NOMO1: variants seen among roughly 807,000 people sequenced by gnomAD.
The protein encoded by NOMO1 is NODAL modulator 1.
A neutral mutation model predicts 133.8 loss-of-function variants in NOMO1; 40 were observed. The observed-to-expected ratio is 0.30, with a 90% confidence interval of 0.23 to 0.39. NOMO1 has a LOEUF of 0.39. Ranked by LOEUF, NOMO1 falls within the 10% of genes least tolerant of loss-of-function variation. The pLI is 1.00. For synonymous variants in NOMO1, 236 were observed against 570.5 expected, an observed-to-expected ratio of 0.41 and a Z score of 8.36; for missense variants, 462 against 1,419.9, an observed-to-expected ratio of 0.33 and a Z score of 10.84.
chr16:14,887,021 C>T (rs1221555496), intron 28 of NOMO1, among the ~76,000 whole-genome samples, 159 bp downstream of exon 28: 1 of 152,010 alleles, frequency 6.6e-6, no homozygotes, highest in East Asian at 1.9e-4. Context: ...ATTATTTTTT[C>T]TTCATTGTTT....
At chr16:14,850,374 T>C (rs550680681) in intron 6 of NOMO1, among the ~76,000 whole-genome samples, 145 of 151,604 alleles carry the variant, frequency 9.6e-4, no homozygotes, top group African/African-American at 3.4e-3. Context: ...CTTCGGGGTA[T>C]GCCAGCATCT....
chr16:14,842,152 G>C (rs1003509466), intron 3 of NOMO1, among the ~76,000 whole-genome samples: 3 of 151,396 alleles, frequency 2.0e-5, no homozygotes, highest in African/African-American at 7.3e-5. Flanking sequence ...GGTCTGTTTT[G>C]ATGTAGTTTA....
chr16:14,889,319 C>A lies in NOMO1; in HGVS notation c.3444+104C>A. ...GGCCAAGGCTGGTGGATCTCTTGAGCCCAGGAGTTTCAGACCAGCCTAGGC... is the reference window on the plus strand; with the variant it reads ...GGCCAAGGCTGGTGGATCTCTTGAGACCAGGAGTTTCAGACCAGCCTAGGC... On this transcript the variant is annotated intron_variant, in intron 29 of 30. Coordinates refer to ENST00000287667, the MANE Select transcript of NOMO1 (RefSeq NM_014287.4). The A allele has an allele frequency of 5.6e-6, 9 of 1,607,262 alleles. No homozygotes were observed. The South Asian group carries it at 8.8e-5, about 16-fold the overall frequency.
intron 1 of NOMO1, among the ~76,000 whole-genome samples, chr16:14,836,815 C>G (rs886297363): frequency 1.3e-5 from 2 of 150,642 alleles, no homozygotes; most frequent in Non-Finnish European, 3.0e-5. Context: ...ACGCCATTCT[C>G]CTGCCTCAGC....
At chr16:14,888,613 G>GC (rs1246831460) in intron 28 of NOMO1, 1 of 262,242 alleles carries the variant, frequency 3.8e-6, no homozygotes, top group Non-Finnish European at 7.4e-6. Context: ...GCTGGTCGGT[G>GC]CTCAGCACAC....
At chr16:14,860,459 G>A (rs1377119028) in intron 11 of NOMO1, among the ~76,000 whole-genome samples, 1 of 151,870 alleles carries the variant, frequency 6.6e-6, no homozygotes, top group Non-Finnish European at 1.5e-5. Flanking sequence ...GCTGCTGTGT[G>A]GAGAATGGAT....
At chr16:14,836,284 T>C (rs539505348) in intron 1 of NOMO1, among the ~76,000 whole-genome samples, 1 of 152,194 alleles carries the variant, frequency 6.6e-6, no homozygotes, top group East Asian at 1.9e-4. Flanking sequence ...AGCTAGACAC[T>C]GTCTCAGGCA....
chr16:14,856,146 A>G (rs2606829), intron 9 of NOMO1, among the ~76,000 whole-genome samples: 1,617 of 151,654 alleles, frequency 0.011, 34 homozygotes, highest in African/African-American at 0.036. Flanking sequence ...GACAGAAAAA[A>G]TCCCTGTCTC....
In NOMO1 at chr16:14,836,848, GGCGCCCGCCACC is replaced by G. The variant is rs1963521795; in HGVS notation, c.166-1551_166-1540del. The stretch of plus-strand genomic sequence containing the variant: ...AGCCTCCCGAGTAGCTGGGACTACA[GGCGCCCGCCACC>G]GCGCCCGGCTAATTTTTTGTATTTT... On this transcript the variant is annotated intron_variant, in intron 1 of 30. Transcript: ENST00000287667. Among the ~76,000 whole-genome samples, 5 of 151,214 alleles carry G rather than the reference GGCGCCCGCCACC, an allele frequency of 3.3e-5. No individual in the cohort carries two copies. In the South Asian group the frequency reaches 1.0e-3, roughly 32 times the overall value.
Position 14,881,476 on chromosome 16 carries a change from C to T in NOMO1, c.2886-68C>T, listed in dbSNP as rs998674627. ...ATTTTGCCCCATAATTGTTGGTAAACGGGAAACACTTGGGTCCTTCAGATA... is the reference window on the plus strand; with the variant it reads ...ATTTTGCCCCATAATTGTTGGTAAATGGGAAACACTTGGGTCCTTCAGATA... On this transcript the variant is annotated intron_variant, in intron 24 of 30. Transcript: ENST00000287667. 17 of 1,607,768 alleles carry T rather than the reference C, an allele frequency of 1.1e-5. 1 individual carries two copies. The highest frequency in any genetic ancestry group is 3.3e-5 in the Admixed American group (2 of 59,888).
intron 1 of NOMO1, among the ~76,000 whole-genome samples, chr16:14,836,809 C>T (rs373595759): frequency 0.024 from 3,628 of 150,048 alleles, 7 homozygotes; most frequent in African/African-American, 0.085. Flanking sequence ...GGGTTCACGC[C>T]ATTCTCCTGC....
At chr16:14,884,554 T>C in intron 27 of NOMO1, 72 bp downstream of exon 27, 2 of 1,608,010 alleles carry the variant, frequency 1.2e-6, no homozygotes, top group South Asian at 1.1e-5. Context: ...TGGGATGTTT[T>C]TGGGTTTGTG....
chr16:14,861,708 G>A (rs1186933542), intron 11 of NOMO1, among the ~76,000 whole-genome samples: 8 of 151,328 alleles, frequency 5.3e-5, no homozygotes, highest in African/African-American at 1.9e-4. Flanking sequence ...TGAGCCATAC[G>A]GTCTCTAGGA....
At chr16:14,834,980 G>C (rs1358590078) in intron 1 of NOMO1, among the ~76,000 whole-genome samples, 2 of 117,342 alleles carry the variant, frequency 1.7e-5, no homozygotes, top group East Asian at 4.7e-4. Flanking sequence ...AGGGATTGGG[G>C]AATAAGACCC....
intron 29 of NOMO1, among the ~76,000 whole-genome samples, chr16:14,890,488 C>CT (rs1964391485): frequency 6.7e-6 from 1 of 148,894 alleles, no homozygotes; most frequent in Non-Finnish European, 1.5e-5. Context: ...CTCCTTTTTC[C>CT]TTTTTTGATA....
At chr16:14,889,393 G>A (rs1163976816) in intron 29 of NOMO1, among the ~76,000 whole-genome samples, 178 bp downstream of exon 29, 20 of 152,058 alleles carry the variant, frequency 1.3e-4, no homozygotes, top group Admixed American at 3.3e-4. Context: ...TTAACCGGGC[G>A]TGGTGGAACG....
chr16:14,881,200 C>T (rs901016724), intron 24 of NOMO1, among the ~76,000 whole-genome samples: 10 of 152,036 alleles, frequency 6.6e-5, no homozygotes, highest in East Asian at 1.9e-4. Context: ...CCATTTTCTA[C>T]TGAATATATG....
chr16:14,836,448 A>C (rs2606874), intron 1 of NOMO1, among the ~76,000 whole-genome samples: 1 of 152,050 alleles, frequency 6.6e-6, no homozygotes, highest in Non-Finnish European at 1.5e-5. Context: ...GTTTCATTGC[A>C]GCTCGTGTCA....
chr16:14,892,240 T>C (rs111913839), intron 29 of NOMO1, among the ~76,000 whole-genome samples: 7 of 151,474 alleles, frequency 4.6e-5, no homozygotes, highest in African/African-American at 1.5e-4. Context: ...GCAAGACTGT[T>C]TCAAAAAAAA....
Sources: gnomAD v4.1 joint callset for allele counts (sites outside exome capture counted in the v4.1 genomes callset) on GRCh38, gnomAD v4.1.1 for gene constraint, MANE v1.5 for transcripts, NCBI Gene and HGNC (gene_info 2026-07-23, HGNC 2026-07-21) for gene names.